Variants in C1orf21 observed in about 807,000 individuals in gnomAD.
The protein encoded by C1orf21 is chromosome 1 open reading frame 21.
A neutral mutation model predicts 18.7 loss-of-function variants in C1orf21; 3 were observed. The ratio of observed to expected loss-of-function variants is 0.16; its 90% CI spans 0.07 to 0.42. C1orf21 has a LOEUF of 0.42. Among genes scored for constraint, C1orf21 ranks in the 10% least tolerant of loss-of-function variants. The pLI is 0.99. For missense variants in C1orf21, 104 were observed against 143.6 expected (o/e 0.72, Z 1.41); for synonymous variants, 41 against 46.4 (o/e 0.88, Z 0.47).
chr1:184,416,609 G>A (rs1656455757), intron 1 of C1orf21, among the ~76,000 whole-genome samples: 1 of 152,028 alleles, frequency 6.6e-6, no homozygotes, highest in Non-Finnish European at 1.5e-5. Flanking sequence ...TGAGAAAACT[G>A]GTTTCATTGC....
chr1:184,461,255 G>A (rs1403051011), intron 1 of C1orf21, among the ~76,000 whole-genome samples: 2 of 152,232 alleles, frequency 1.3e-5, no homozygotes, highest in African/African-American at 2.4e-5. Flanking sequence ...TGTTGTTGGT[G>A]TTCAGCTTTC....
At chr1:184,461,506 G>T (rs1235797771) in intron 1 of C1orf21, among the ~76,000 whole-genome samples, 2 of 152,148 alleles carry the variant, frequency 1.3e-5, no homozygotes, top group African/African-American at 4.8e-5. Flanking sequence ...AGAGCCACTG[G>T]CCAGGAGTCA....
intron 1 of C1orf21, among the ~76,000 whole-genome samples, chr1:184,393,179 A>T (rs1464756769): frequency 6.6e-6 from 1 of 152,066 alleles, no homozygotes; most frequent in Non-Finnish European, 1.5e-5. Context: ...TATTGTCTGA[A>T]TGTGTCTGAA....
intron 2 of C1orf21, among the ~76,000 whole-genome samples, chr1:184,494,486 G>C (rs1657861427): frequency 6.6e-6 from 1 of 152,194 alleles, no homozygotes; most frequent in Non-Finnish European, 1.5e-5. Context: ...TTGCTCAGTA[G>C]TCCTAGCAAG....
intron 1 of C1orf21, among the ~76,000 whole-genome samples, chr1:184,466,302 T>A (rs1034719750): frequency 1.3e-5 from 2 of 152,206 alleles, no homozygotes; most frequent in Non-Finnish European, 2.9e-5. Flanking sequence ...TGGTGGTAGG[T>A]ACGGTCTAAA....
At chr1:184,556,504 A>G (rs534657959) in intron 3 of C1orf21, among the ~76,000 whole-genome samples, 4 of 152,288 alleles carry the variant, frequency 2.6e-5, no homozygotes, top group African/African-American at 9.6e-5. Context: ...CAGTCCCCTG[A>G]TTATTTAAAC....
intron 2 of C1orf21, among the ~76,000 whole-genome samples, chr1:184,487,837 C>G (rs1457080855): frequency 6.6e-6 from 1 of 152,152 alleles, no homozygotes; most frequent in Non-Finnish European, 1.5e-5. Context: ...GGGAATAAAA[C>G]TAGTACTTGC....
chr1:184,509,371 A>AT (rs1658111705), intron 3 of C1orf21, among the ~76,000 whole-genome samples: 2 of 152,134 alleles, frequency 1.3e-5, no homozygotes, highest in Non-Finnish European at 2.9e-5. Flanking sequence ...GGTCATTCTG[A>AT]TTTATTTGTG....
intron 5 of C1orf21, among the ~76,000 whole-genome samples, chr1:184,617,904 G>GTTTTTTTTTTTT (rs142357373): frequency 1.1e-5 from 1 of 87,506 alleles, no homozygotes; most frequent in Non-Finnish European, 2.3e-5. Context: ...TGTTGTTGTT[G>GTTTTTTTTTTTT]TTTTTTTTTT....
At chr1:184,477,106 G>A (rs572391710) in intron 1 of C1orf21, among the ~76,000 whole-genome samples, 20 of 152,178 alleles carry the variant, frequency 1.3e-4, no homozygotes, top group African/African-American at 3.4e-4. Context: ...GCCCAAATAC[G>A]TATTTGAATA....
chr1:184,604,544 A>T (rs1032061780), intron 5 of C1orf21, among the ~76,000 whole-genome samples: 1 of 152,180 alleles, frequency 6.6e-6, no homozygotes, highest in African/African-American at 2.4e-5. Context: ...CTCTCCCTTC[A>T]TCACCTTGCC....
chr1:184,504,743 G>A (rs531485415), intron 2 of C1orf21, among the ~76,000 whole-genome samples: 3 of 152,314 alleles, frequency 2.0e-5, no homozygotes, highest in South Asian at 4.1e-4. Context: ...ATTTTGTGCG[G>A]TGTGTTGTGT....
intron 3 of C1orf21, among the ~76,000 whole-genome samples, chr1:184,528,677 T>A (rs1658414102): frequency 1.3e-5 from 2 of 152,140 alleles, no homozygotes; most frequent in South Asian, 4.1e-4. Flanking sequence ...ACTCCTGACC[T>A]CAGGTGATCC....
intron 3 of C1orf21, among the ~76,000 whole-genome samples, chr1:184,577,958 T>TG (rs1659218522): frequency 6.9e-6 from 1 of 144,482 alleles, no homozygotes; most frequent in Non-Finnish European, 1.5e-5. Context: ...TTTTTGTTTT[T>TG]TTTTTTTTTT....
chr1:184,524,646 T>A (rs917439498), intron 3 of C1orf21, among the ~76,000 whole-genome samples: 1 of 152,102 alleles, frequency 6.6e-6, no homozygotes, highest in Non-Finnish European at 1.5e-5. Context: ...TTTTAATGAC[T>A]TTGAAGTATT....
At chr1:184,584,357 A>C (rs1659324983) in intron 3 of C1orf21, among the ~76,000 whole-genome samples, 1 of 152,006 alleles carries the variant, frequency 6.6e-6, no homozygotes, top group African/African-American at 2.4e-5. Flanking sequence ...AAGTAAATAA[A>C]ACCCACAGTG....
intron 3 of C1orf21, among the ~76,000 whole-genome samples, chr1:184,526,477 T>C (rs1415363508): frequency 6.6e-6 from 1 of 152,186 alleles, no homozygotes; most frequent in Non-Finnish European, 1.5e-5. Flanking sequence ...AATTCTCTCT[T>C]AGCTTGGGTA....
intron 2 of C1orf21, among the ~76,000 whole-genome samples, chr1:184,486,928 C>T (rs575289172): frequency 6.6e-6 from 1 of 152,340 alleles, no homozygotes; most frequent in African/African-American, 2.4e-5. Flanking sequence ...TCCCTTGCCC[C>T]TTCAAGTGCT....
At chr1:184,451,495 G>A (rs1402136760) in intron 1 of C1orf21, among the ~76,000 whole-genome samples, 1 of 135,640 alleles carries the variant, frequency 7.4e-6, no homozygotes, top group Admixed American at 7.7e-5. Flanking sequence ...TGGAGAGACA[G>A]GGTCTCACTG....
Sources: allele counts gnomAD v4.1 joint callset (sites outside exome capture counted in the v4.1 genomes callset), GRCh38; gene constraint gnomAD v4.1.1; transcripts MANE v1.5; gene names NCBI Gene and HGNC (gene_info 2026-07-23, HGNC 2026-07-21).